TENM2: variants seen among roughly 807,000 people sequenced by gnomAD.
TENM2 encodes teneurin-2.
Under a neutral mutation model 245.2 loss-of-function variants are expected in TENM2, and 52 were observed. That is an observed-to-expected ratio of 0.21 (90% CI 0.17 to 0.27). The LOEUF (loss-of-function observed/expected upper bound fraction) is 0.27. TENM2 is among the 10% of genes least tolerant of loss of function. TENM2 has a pLI of 1.00. For missense variants in TENM2, 3,046 were observed against 3,666.8 expected, an observed-to-expected ratio of 0.83 and a Z score of 4.37; for synonymous variants, 1,363 against 1,438.9, an observed-to-expected ratio of 0.95 and a Z score of 1.19.
chr5:167,660,799 T>C (rs918916073), intron 2 of TENM2, among the ~76,000 whole-genome samples: 4 of 152,268 alleles, frequency 2.6e-5, no homozygotes, highest in Non-Finnish European at 5.9e-5. Flanking sequence ...GTATTACATA[T>C]TTTATGTTCC....
At chr5:167,163,296 T>A in the TENM2 span, among the ~76,000 whole-genome samples, 1 of 152,134 alleles carries the variant, frequency 6.6e-6, no homozygotes, top group African/African-American at 2.4e-5. Flanking sequence ...CTTGTGATGT[T>A]GCTCAGGCTG....
chr5:167,141,844 T>C, the TENM2 span, among the ~76,000 whole-genome samples: 1 of 152,300 alleles, frequency 6.6e-6, no homozygotes, highest in East Asian at 1.9e-4. Flanking sequence ...TAAAAAAGAA[T>C]AATGTGGGAC....
intron 2 of TENM2, among the ~76,000 whole-genome samples, chr5:167,459,600 C>G (rs1230913318): frequency 6.6e-6 from 1 of 152,120 alleles, no homozygotes; most frequent in Non-Finnish European, 1.5e-5. Flanking sequence ...TACTATTTTC[C>G]ATACTGATCA....
intron 12 of TENM2, among the ~76,000 whole-genome samples, chr5:168,144,000 C>T (rs1337191445): frequency 1.4e-5 from 2 of 141,750 alleles, no homozygotes; most frequent in Non-Finnish European, 3.0e-5. Context: ...CAGGCATGCA[C>T]CACCATGCCC....
chr5:167,343,340 T>A (rs759404378), intron 1 of TENM2, among the ~76,000 whole-genome samples: 5 of 152,216 alleles, frequency 3.3e-5, no homozygotes. Context: ...GGGTGCTGGA[T>A]GTGCTCCTCT....
chr5:168,105,206 G>A (rs1299527900), intron 9 of TENM2, among the ~76,000 whole-genome samples: 1 of 152,172 alleles, frequency 6.6e-6, no homozygotes, highest in East Asian at 1.9e-4. Context: ...GTGAAATTCA[G>A]GGACTTATTA....
At chr5:167,323,237 G>A (rs907403364) in intron 1 of TENM2, among the ~76,000 whole-genome samples, 2 of 152,192 alleles carry the variant, frequency 1.3e-5, no homozygotes, top group African/African-American at 2.4e-5. Flanking sequence ...TTTTCTGAAT[G>A]TACAGATAAA....
chr5:167,049,110 C>CT, the TENM2 span, among the ~76,000 whole-genome samples: 1 of 152,266 alleles, frequency 6.6e-6, no homozygotes, highest in African/African-American at 2.4e-5. Flanking sequence ...TTATTTCAGT[C>CT]TTTTAAGCTA....
chr5:167,749,502 G>T (rs767790269), intron 2 of TENM2, among the ~76,000 whole-genome samples: 1 of 152,016 alleles, frequency 6.6e-6, no homozygotes, highest in Non-Finnish European at 1.5e-5. Flanking sequence ...GCCGGGTGTG[G>T]TGGTGGGCAC....
At chr5:167,542,366 G>C (rs557349415) in intron 2 of TENM2, among the ~76,000 whole-genome samples, 6 of 152,090 alleles carry the variant, frequency 3.9e-5, no homozygotes, top group Non-Finnish European at 8.8e-5. Context: ...GCCCCTAGGA[G>C]CTCACCATCA....
intron 2 of TENM2, among the ~76,000 whole-genome samples, chr5:167,395,403 T>G (rs1761996594): frequency 6.6e-6 from 1 of 152,158 alleles, no homozygotes; most frequent in Admixed American, 6.5e-5. Flanking sequence ...ATTTTTCTTT[T>G]GTCTTTAGGG....
chr5:168,211,604 G>A (rs957417304), intron 19 of TENM2, 130 bp from the exon 22 acceptor site: 2 of 605,560 alleles, frequency 3.3e-6, no homozygotes, highest in African/African-American at 3.8e-5. Context: ...GTCAGTTACA[G>A]GGGAAAAAAG....
intron 3 of TENM2, among the ~76,000 whole-genome samples, chr5:167,910,511 A>G (rs1210955643): frequency 6.6e-6 from 1 of 152,224 alleles, no homozygotes; most frequent in Non-Finnish European, 1.5e-5. Context: ...AAAGAAAACA[A>G]AAAAACAAAC....
chr5:167,996,410 C>A (rs1324515988), intron 5 of TENM2, among the ~76,000 whole-genome samples: 2 of 152,124 alleles, frequency 1.3e-5, no homozygotes, highest in African/African-American at 4.8e-5. Flanking sequence ...ACCAGGGGAC[C>A]ACTTTGTGCA....
chr5:167,411,157 A>C (rs908272964), intron 2 of TENM2, among the ~76,000 whole-genome samples: 1 of 152,098 alleles, frequency 6.6e-6, no homozygotes, highest in African/African-American at 2.4e-5. Flanking sequence ...TGCTGGGTAC[A>C]TTATATAAAC....
At chr5:167,541,227 T>A (rs1186078053) in intron 2 of TENM2, among the ~76,000 whole-genome samples, 7 of 152,168 alleles carry the variant, frequency 4.6e-5, no homozygotes, top group Non-Finnish European at 8.8e-5. Context: ...CAAGTTTCAA[T>A]GATGTTGTTC....
At chr5:167,362,232 A>G (rs1485544988) in intron 1 of TENM2, among the ~76,000 whole-genome samples, 1 of 152,240 alleles carries the variant, frequency 6.6e-6, no homozygotes, top group Admixed American at 6.5e-5. Context: ...AACACGCACT[A>G]GGAAGCTATG....
chr5:168,248,996 G>C (rs1203077033), intron 27 of TENM2, among the ~76,000 whole-genome samples: 2 of 152,112 alleles, frequency 1.3e-5, no homozygotes, highest in Admixed American at 1.3e-4. Context: ...GTACATGCCT[G>C]TAGGCCCAGC....
At chr5:167,774,957 G>A (rs752703328) in intron 2 of TENM2, among the ~76,000 whole-genome samples, 1 of 152,090 alleles carries the variant, frequency 6.6e-6, no homozygotes, top group Non-Finnish European at 1.5e-5. Flanking sequence ...TTATTTGGGT[G>A]TGAGATTTTT....
Sources: allele counts gnomAD v4.1 joint callset (sites outside exome capture counted in the v4.1 genomes callset), GRCh38; gene constraint gnomAD v4.1.1; transcripts MANE v1.5; gene names NCBI Gene and HGNC (gene_info 2026-07-23, HGNC 2026-07-21).